Variants in CFAP20DC observed in about 807,000 individuals in gnomAD.
CFAP20DC encodes the protein protein CFAP20DC.
CFAP20DC carries 84 observed loss-of-function variants against 101.7 expected under a neutral mutation model. The observed-to-expected ratio is 0.83, with a 90% CI of 0.69 to 0.99. CFAP20DC has a LOEUF of 0.99. CFAP20DC is among the 50% of genes least tolerant of loss of function. CFAP20DC has a pLI of 0.00. For synonymous variants in CFAP20DC, 359 were observed against 351.2 expected (o/e 1.02, Z -0.25); for missense variants, 1,007 against 970.3 (o/e 1.04, Z -0.50).
intron 14 of CFAP20DC, among the ~76,000 whole-genome samples, chr3:58,829,396 C>A (rs2108023230): frequency 6.6e-6 from 1 of 151,230 alleles, no homozygotes; most frequent in South Asian, 2.1e-4. Context: ...TTTTCACTGT[C>A]CCTGTGCAAC....
intron 4 of CFAP20DC, among the ~76,000 whole-genome samples, chr3:58,977,234 C>T (rs928573129): frequency 1.6e-4 from 24 of 152,226 alleles, no homozygotes; most frequent in Non-Finnish European, 2.8e-4. Flanking sequence ...TTAAATGAGG[C>T]TAAAACCTAA....
intron 15 of CFAP20DC, among the ~76,000 whole-genome samples, chr3:58,793,680 G>T (rs546368914): frequency 2.0e-5 from 3 of 152,246 alleles, no homozygotes; most frequent in Middle Eastern, 6.8e-3. Flanking sequence ...TCAAGGAAAA[G>T]ATATTCTTTT....
intron 4 of CFAP20DC, among the ~76,000 whole-genome samples, chr3:58,955,928 G>A (rs2090582799): frequency 6.6e-6 from 1 of 151,362 alleles, no homozygotes; most frequent in Non-Finnish European, 1.5e-5. Flanking sequence ...GACCTTTCTA[G>A]ACACACTCTG....
In CFAP20DC at chr3:58,814,565, T is replaced by C. The variant is rs1183422245; in HGVS notation, c.2176-8109A>G. On this transcript the variant is annotated intron_variant, in intron 14 of 16. Coordinates refer to ENST00000482387, the MANE Select transcript of CFAP20DC (RefSeq NM_001394063.1). Reference sequence around the variant, plus strand: ...TCAATTAGGAAAAGAGGAAGTCAAATTGTCTCTGTTTGCAGATGACATGAT... The same window carrying C: ...TCAATTAGGAAAAGAGGAAGTCAAACTGTCTCTGTTTGCAGATGACATGAT... Among the ~76,000 whole-genome samples, 8 of 151,482 alleles carry C rather than the reference T, an allele frequency of 5.3e-5. 1 individual carries two copies. The South Asian group carries it at 1.0e-3, about 20-fold the overall frequency.
intron 13 of CFAP20DC, among the ~76,000 whole-genome samples, chr3:58,837,292 T>G (rs1336242362): frequency 8.6e-5 from 13 of 152,032 alleles, no homozygotes; most frequent in Non-Finnish European, 1.8e-4. Flanking sequence ...CCATCAACAG[T>G]AGAATGGATA....
chr3:58,853,939 C>G (rs2078505654), intron 12 of CFAP20DC, among the ~76,000 whole-genome samples: 1 of 151,642 alleles, frequency 6.6e-6, no homozygotes, highest in Admixed American at 6.6e-5. Context: ...CAGGGATGCC[C>G]TCTCTCACCA....
intron 4 of CFAP20DC, among the ~76,000 whole-genome samples, chr3:58,986,362 G>T (rs2092751650): frequency 6.6e-6 from 1 of 152,012 alleles, no homozygotes; most frequent in South Asian, 2.1e-4. Flanking sequence ...ATTATAGATG[G>T]GGGCCTCAGG....
chr3:58,822,062 G>A (rs560423194), intron 14 of CFAP20DC, among the ~76,000 whole-genome samples: 6 of 140,442 alleles, frequency 4.3e-5, no homozygotes, highest in African/African-American at 8.2e-5. Context: ...ACCAAACACC[G>A]CATATTCTCA....
chr3:58,839,130 G>A (rs1056173195), intron 13 of CFAP20DC, among the ~76,000 whole-genome samples: 1 of 152,210 alleles, frequency 6.6e-6, no homozygotes, highest in Non-Finnish European at 1.5e-5. Context: ...AGTAATGACA[G>A]ATATACCAAC....
Position 58,869,570 on chromosome 3 carries a change from A to G in CFAP20DC, c.853-80T>C. On this transcript the variant is annotated intron_variant, in intron 8 of 16. Transcript: ENST00000482387. The surrounding 1 kb of genome is among the most constrained non-coding windows in gnomAD (Gnocchi z 4.3). ...GTAGAAGCTATATAGAAAACATAAT[A>G]TTTGGACCAATGAAGAGTGAGAAAA... is the stretch of plus-strand genomic sequence containing the variant. The G allele has an allele frequency of 8.7e-7, 1 of 1,151,098 alleles. No homozygotes were observed. The highest frequency in any genetic ancestry group is 2.1e-5 in the South Asian group (1 of 48,200). The allele number at this position is 1,151,098 out of a possible 1,614,324, so 71.3% of individuals were successfully genotyped here.
Position 58,870,352 on chromosome 3 carries a change from T to G in CFAP20DC, c.716-43A>C, listed in dbSNP as rs767266330. The G allele has an allele frequency of 4.4e-6, 7 of 1,587,572 alleles. No homozygotes were observed. In the South Asian group the frequency reaches 7.8e-5, roughly 18 times the overall value. On this transcript the variant is annotated intron_variant, in intron 7 of 16. Transcript: ENST00000482387. ...GGTAATAATAGTCCATTAATGGGTG[T>G]AATGACAAACATCACACTGCAATCT...
At chr3:58,825,538 A>AACACACACACACACAC (rs4020376) in intron 14 of CFAP20DC, among the ~76,000 whole-genome samples, 118 of 149,826 alleles carry the variant, frequency 7.9e-4, no homozygotes, top group African/African-American at 2.6e-3. Flanking sequence ...AAAAAAAGAA[A>AACACACACACACACAC]ACACACACAC....
intron 12 of CFAP20DC, among the ~76,000 whole-genome samples, 164 bp from the exon 13 acceptor site, chr3:58,849,573 T>G (rs889578827): frequency 6.6e-6 from 1 of 152,192 alleles, no homozygotes; most frequent in South Asian, 2.1e-4. Context: ...TAACTAAAAG[T>G]AGCAATGCAA....
intron 4 of CFAP20DC, among the ~76,000 whole-genome samples, chr3:58,952,949 A>T (rs1434017477): frequency 6.6e-6 from 1 of 152,212 alleles, no homozygotes. Flanking sequence ...AGTGAAAAAA[A>T]CAAGGTCTCC....
At chr3:58,883,452 T>C (rs115403723) in intron 7 of CFAP20DC, among the ~76,000 whole-genome samples, 2,515 of 152,322 alleles carry the variant, frequency 0.017, 31 homozygotes, top group Non-Finnish European at 0.026. Flanking sequence ...GTCACTCTGC[T>C]TATACTAAGG....
At chr3:58,816,179 C>T (rs1374244779) in intron 14 of CFAP20DC, among the ~76,000 whole-genome samples, 1 of 151,864 alleles carries the variant, frequency 6.6e-6, no homozygotes, top group African/African-American at 2.4e-5. Flanking sequence ...ACTATGCAGC[C>T]ATAAAAAATG....
intron 4 of CFAP20DC, chr3:59,018,107 A>G (rs1393797779): frequency 6.6e-6 from 1 of 152,156 alleles, no homozygotes; most frequent in Non-Finnish European, 1.5e-5. Flanking sequence ...TACTAGACAC[A>G]CATAGGCTGC....
chr3:58,907,316 C>G (rs2083701869), intron 6 of CFAP20DC, among the ~76,000 whole-genome samples: 1 of 152,090 alleles, frequency 6.6e-6, no homozygotes, highest in African/African-American at 2.4e-5. Context: ...AAGTAAGGGG[C>G]AAGTGCTCCA....
At chr3:58,937,454 T>C (rs1381762155) in intron 5 of CFAP20DC, among the ~76,000 whole-genome samples, 194 bp downstream of exon 5, 1 of 152,210 alleles carries the variant, frequency 6.6e-6, no homozygotes, top group Non-Finnish European at 1.5e-5. Flanking sequence ...GGTGATTTTA[T>C]AGATGTTCAA....
Sources: allele counts gnomAD v4.1 joint callset (sites outside exome capture counted in the v4.1 genomes callset), GRCh38; gene constraint gnomAD v4.1.1; non-coding constraint Gnocchi (gnomAD v3.1); transcripts MANE v1.5; gene names NCBI Gene and HGNC (gene_info 2026-07-23, HGNC 2026-07-21).